The following TTC7A variants were observed in gnomAD, a reference collection of about 807,000 sequenced individuals.
TTC7A encodes the protein tetratricopeptide repeat domain 7A.
In TTC7A, 110 loss-of-function variants were observed where a neutral mutation model predicts 103.7. The observed-to-expected ratio is 1.06, with a 90% CI of 0.91 to 1.24. The LOEUF (loss-of-function observed/expected upper bound fraction) is 1.24. Ranked by LOEUF, TTC7A falls within the 50% of genes most tolerant of loss-of-function variation. The pLI, the probability that TTC7A is intolerant of heterozygous loss-of-function variation, is 0.00. For missense variants in TTC7A, 1,340 were observed against 1,116.3 expected, an observed-to-expected ratio of 1.20 and a Z score of -2.86; for synonymous variants, 521 against 467.9, an observed-to-expected ratio of 1.11 and a Z score of -1.47.
rs565785124 is a variant in TTC7A at position 46,994,636 on chromosome 2, C to T, written c.1001+122C>T. On this transcript the variant is annotated intron_variant, in intron 7 of 19. Transcript: ENST00000319190. ...CAGTCTCCACTCAGCACACTGCCAG[C>T]CAGCCTCCTCAGTCTCAGCAGGAGC... 2.4e-5 allele frequency: 23 copies of T among 977,938 alleles called. 1 individual carries two copies. In the South Asian group the frequency reaches 3.4e-4, roughly 15 times the overall value. 60.6% of individuals were successfully genotyped at this position (977,938 alleles called of 1,614,324 possible).
intron 2 of TTC7A, 96 bp from the exon 3 acceptor site, chr2:46,956,743 G>A (rs1671888268): frequency 1.4e-6 from 2 of 1,388,854 alleles, no homozygotes; most frequent in South Asian, 1.2e-5. Flanking sequence ...GGAGTTCTGA[G>A]CAAGGTCTGA....
chr2:47,006,174 C>T (rs1041385965), intron 9 of TTC7A, 115 bp downstream of exon 9: 20 of 1,376,550 alleles, frequency 1.5e-5, no homozygotes, highest in Non-Finnish European at 2.0e-5. Context: ...GGCTGCTCTG[C>T]CGCTTTGACC....
intron 5 of TTC7A, among the ~76,000 whole-genome samples, 192 bp downstream of exon 5, chr2:46,979,099 C>A (rs546730976): frequency 1.3e-5 from 2 of 152,080 alleles, no homozygotes; most frequent in Non-Finnish European, 2.9e-5. Context: ...GGAAGGGCCA[C>A]GCTTCAGGAA....
intron 19 of TTC7A, among the ~76,000 whole-genome samples, chr2:47,063,836 G>A (rs544542029): frequency 1.3e-5 from 2 of 152,360 alleles, no homozygotes; most frequent in African/African-American, 4.8e-5. Context: ...GAAAGTGGTC[G>A]GTGGAGGTAT....
rs1573117313 is a variant in TTC7A, at chr2:47,073,802, T to C, written c.2456T>C (p.Leu819Pro). 11 of 1,613,700 alleles carry C rather than the reference T, an allele frequency of 6.8e-6. No individual in the cohort carries two copies. The highest frequency in any genetic ancestry group is 9.3e-6 in the Non-Finnish European group (11 of 1,179,998). ...ACGTGCCACGAGGCGTGGCAGGGCC[T>C]GGGCGAGGTGCTGCAGGCCCAGGGC... ...QSTCHEAWQG[L>P]GEVLQAQGQN... The change falls in exon 20 of 20, where the codon CTG (leucine) becomes CCG (proline). Residue 819 changes from leucine (L) to proline (P), a missense_variant. Physicochemically the swap from Leu to Pro is moderately conservative, Grantham distance 98. Transcript: ENST00000319190.
In TTC7A at chr2:46,941,401, C is replaced by G. The variant is rs936271043; in HGVS notation, c.-141C>G. On this transcript the variant is annotated 5_prime_UTR_variant, in exon 1 of 20. Coordinates refer to ENST00000319190, the MANE Select transcript of TTC7A (RefSeq NM_020458.4). This position sits in a 1 kb window ranked among gnomAD's most constrained non-coding sequence, Gnocchi z 4.2. ...CTGCTGCTGCCCACCCTCCGCCGCCCGGGCCCCCGCTGCCGCCCGGGCCCC... is the reference window on the plus strand; with the variant it reads ...CTGCTGCTGCCCACCCTCCGCCGCCGGGGCCCCCGCTGCCGCCCGGGCCCC... 8.5e-5 allele frequency: 61 copies of G among 717,130 alleles called. No individual in the cohort carries two copies. In the East Asian group the frequency reaches 1.1e-3, roughly 12 times the overall value. 44.4% of individuals were successfully genotyped at this position (717,130 alleles called of 1,614,324 possible).
Position 46,927,387 on chromosome 2 carries a change from C to T in TTC7A, c.82+10110C>T, listed in dbSNP as rs1367412752. ...TTTTTTTTTTTTTGAGATGGAGTCT[C>T]GTTCTGTTGCCCAGGCTGGAGTGCA... is the stretch of plus-strand genomic sequence containing the variant. On this transcript the variant is annotated intron_variant, in intron 2 of 20. Coordinates refer to the TTC7A transcript ENST00000409245. Among the ~76,000 whole-genome samples, 16 of 143,096 alleles carry T rather than the reference C, an allele frequency of 1.1e-4. No homozygotes were observed. In the South Asian group the frequency reaches 2.6e-3, roughly 24 times the overall value. 93.9% of individuals were successfully genotyped at this position (143,096 alleles called of 152,430 possible).
At chr2:47,026,119 G>C (rs1679888212) in intron 14 of TTC7A, among the ~76,000 whole-genome samples, 1 of 152,168 alleles carries the variant, frequency 6.6e-6, no homozygotes, top group Admixed American at 6.5e-5. Context: ...CAGCCTCAGG[G>C]AGTTGAGAAC....
rs1160088416 is a variant in TTC7A, at chr2:47,006,041, G to A, written c.1185G>A (p.Gln395=). The change falls in exon 9 of 20, where the codon CAG becomes CAA. Residue 395 remains glutamine, a synonymous_variant. Coordinates refer to ENST00000319190, the MANE Select transcript of TTC7A (RefSeq NM_020458.4). ...GCATCACGTTGGGCAGAAGGGGACA[G>A]TACGTCATGCTCTCGGAGGTACGGC... ...LLSITLGRRG[Q]YVMLSECLER... 2 of 1,614,004 alleles carry A rather than the reference G, an allele frequency of 1.2e-6. No homozygotes were observed. The highest frequency in any genetic ancestry group is 1.1e-5 in the South Asian group (1 of 91,066).
chr2:46,957,552 A>T (rs1364699224), intron 3 of TTC7A, among the ~76,000 whole-genome samples: 1 of 152,198 alleles, frequency 6.6e-6, no homozygotes, highest in Non-Finnish European at 1.5e-5. Context: ...ACAGGTCAGA[A>T]CCAGTTCCTG....
rs547559737 is a variant in TTC7A at position 46,998,400 on chromosome 2, A to T, written c.1065+3201A>T. 5.0e-4 allele frequency among the ~76,000 whole-genome samples: 76 copies of T among 152,192 alleles called. 1 individual carries two copies. Among genetic ancestry groups the T allele is most frequent in the African/African-American group, 1.8e-3 (76 of 41,496 alleles). Reference sequence around the variant, plus strand: ...TTTGTTTTAAATTCTCCTTCCCTCCAATCTCATTCTTGATCAGTGAGAGGA... The same window carrying T: ...TTTGTTTTAAATTCTCCTTCCCTCCTATCTCATTCTTGATCAGTGAGAGGA... On this transcript the variant is annotated intron_variant, in intron 8 of 19. Coordinates refer to ENST00000319190, the MANE Select transcript of TTC7A (RefSeq NM_020458.4).
chr2:46,957,277 C>A (rs956007741), intron 3 of TTC7A, among the ~76,000 whole-genome samples: 1 of 152,258 alleles, frequency 6.6e-6, no homozygotes, highest in African/African-American at 2.4e-5. Flanking sequence ...TCTTCACCTC[C>A]TTTGGCCTCA....
At chr2:47,000,255 T>TAAA (rs58720701) in intron 8 of TTC7A, among the ~76,000 whole-genome samples, 233 of 142,308 alleles carry the variant, frequency 1.6e-3, no homozygotes, top group African/African-American at 4.1e-3. Flanking sequence ...GCCATTCAGT[T>TAAA]AAAAAAAAAA....
At chr2:47,003,052 C>T (rs1003458104) in intron 8 of TTC7A, among the ~76,000 whole-genome samples, 7 of 152,168 alleles carry the variant, frequency 4.6e-5, no homozygotes, top group African/African-American at 1.7e-4. Flanking sequence ...CTAATTAACG[C>T]CCGGTTCTGA....
intron 18 of TTC7A, among the ~76,000 whole-genome samples, chr2:47,060,016 G>C (rs1683636242): frequency 6.6e-6 from 1 of 151,994 alleles, no homozygotes; most frequent in Admixed American, 6.6e-5. Context: ...AAATTAGCTG[G>C]GCATGTTGGC....
chr2:46,960,230 G>T (rs991593675), intron 3 of TTC7A, among the ~76,000 whole-genome samples: 5 of 152,204 alleles, frequency 3.3e-5, no homozygotes, highest in South Asian at 2.1e-4. Context: ...GCTCCTGGCT[G>T]CAGAGAAGTC....
chr2:47,046,494 C>A (rs935241561), intron 16 of TTC7A, 63 bp downstream of exon 16: 2 of 1,331,224 alleles, frequency 1.5e-6, no homozygotes, highest in Admixed American at 1.7e-5. Flanking sequence ...CAATCCACAG[C>A]TGGGTGGCCA....
At chr2:46,938,904 G>A (rs565576557), upstream of TTC7A, among the ~76,000 whole-genome samples, 4 of 151,816 alleles carry the variant, frequency 2.6e-5, no homozygotes, top group East Asian at 1.9e-4. Context: ...CCAGCTACTC[G>A]GGAGGCTAAG....
rs1558531626 is a variant in TTC7A, at chr2:46,978,846, G to A, written c.703G>A (p.Glu235Lys). Reference sequence around the variant, plus strand: ...GAAAGGCTGTCACCCGCTTGACTATGAGCTCACCTACTTCCTGGAAGCTGC... The same window carrying A: ...GAAAGGCTGTCACCCGCTTGACTATAAGCTCACCTACTTCCTGGAAGCTGC... ...HLKGCHPLDYELTYFLEAALQ... is the reference protein window; with the variant it reads ...HLKGCHPLDYKLTYFLEAALQ... Residue 235 changes from glutamate (E) to lysine (K), a missense_variant, in exon 5 of 20, where the codon GAG becomes AAG. Physicochemically the swap from Glu to Lys is moderately conservative, Grantham distance 56 (BLOSUM62 1). Transcript: ENST00000319190. 2 of 1,614,098 alleles carry A rather than the reference G, an allele frequency of 1.2e-6. No homozygotes were observed. The highest frequency in any genetic ancestry group is 2.2e-5 in the South Asian group (2 of 91,074).
Sources: gnomAD v4.1 joint callset for allele counts (sites outside exome capture counted in the v4.1 genomes callset) on GRCh38, gnomAD v4.1.1 for gene constraint, Gnocchi (gnomAD v3.1) non-coding constraint, MANE v1.5 for transcripts, NCBI Gene and HGNC (gene_info 2026-07-23, HGNC 2026-07-21) for gene names.